The following CTSB variants were observed in gnomAD, a reference collection of about 807,000 sequenced individuals.
CTSB encodes cathepsin B.
CTSB carries 57 observed loss-of-function variants against 44.3 expected under a neutral mutation model. That is an observed-to-expected ratio of 1.29 (90% CI 1.04 to 1.60). The LOEUF is 1.60. Among genes scored for constraint, CTSB ranks in the 40% most tolerant of loss-of-function variants. The probability of loss-of-function intolerance (pLI) is 0.00; values close to 1 mark genes in which losing one functional copy is unlikely to be tolerated. For missense variants in CTSB, 768 were observed against 443.0 expected, an observed-to-expected ratio of 1.73 and a Z score of -6.59; for synonymous variants, 320 against 168.0, an observed-to-expected ratio of 1.91 and a Z score of -7.00.
intron 1 of CTSB, among the ~76,000 whole-genome samples, chr8:11,866,427 T>C (rs141111503): frequency 0.013 from 1,965 of 152,262 alleles, 17 homozygotes; most frequent in Middle Eastern, 0.034. Flanking sequence ...CACCAGGGGG[T>C]ACCCCCAGCT....
At chr8:11,865,085 C>G (rs932503180) in intron 1 of CTSB, among the ~76,000 whole-genome samples, 32 of 152,322 alleles carry the variant, frequency 2.1e-4, no homozygotes, top group Non-Finnish European at 4.4e-4. Flanking sequence ...AGACTGCTGC[C>G]TGCCACCCTG....
In CTSB at chr8:11,844,275, C is replaced by CTA. The variant is rs753838512; in HGVS notation, c.*848_*849dup. On this transcript the variant is annotated 3_prime_UTR_variant, in exon 10 of 10. Coordinates refer to ENST00000353047, the MANE Select transcript of CTSB (RefSeq NM_001908.5). ...ACAAAGAGAGACAGCAGCTACAAGT[C>CTA]TATAGGCAGTGACAAAGGATCTGAG... is the stretch of plus-strand genomic sequence containing the variant. The CTA allele has an allele frequency of 2.6e-5, 4 of 152,320 alleles. No individual in the cohort carries two copies. Among genetic ancestry groups the CTA allele is most frequent in the African/African-American group, 9.6e-5 (4 of 41,574 alleles). The allele number at this position is 152,320 out of a possible 1,614,324, so 9.4% of individuals were successfully genotyped here. A position where few individuals can be genotyped will look rare whatever the true frequency, so the allele number is the denominator to read the frequency against.
chr8:11,859,793 G>A (rs1165118075), intron 1 of CTSB, among the ~76,000 whole-genome samples: 3 of 75,582 alleles, frequency 4.0e-5, no homozygotes, highest in Non-Finnish European at 5.4e-5. Flanking sequence ...AAAAAAAAAA[G>A]GCCGGACACA....
At chr8:11,847,957 T>C (rs1813757045) in intron 6 of CTSB, 110 bp downstream of exon 6, 1 of 1,332,016 alleles carries the variant, frequency 7.5e-7, no homozygotes, top group Middle Eastern at 2.4e-4. Flanking sequence ...CTAGCACCTC[T>C]CAGCAGCCCC....
chr8:11,850,348 G>C (rs573535476), intron 4 of CTSB, among the ~76,000 whole-genome samples: 2 of 144,444 alleles, frequency 1.4e-5, no homozygotes, highest in East Asian at 4.1e-4. Flanking sequence ...GAACCCAGGA[G>C]GCAGAGGTTG....
intron 1 of CTSB, among the ~76,000 whole-genome samples, chr8:11,855,491 T>C (rs1815353201): frequency 6.6e-6 from 1 of 151,934 alleles, no homozygotes; most frequent in Non-Finnish European, 1.5e-5. Flanking sequence ...ACCCCATCAA[T>C]ATAGAAAATA....
At chr8:11,849,022 C>G (rs778050939) in intron 5 of CTSB, 24 bp downstream of exon 5, 4 of 1,580,546 alleles carry the variant, frequency 2.5e-6, no homozygotes, top group Admixed American at 1.7e-5. Flanking sequence ...ACTAAACCCG[C>G]TGTGGAAGCA....
chr8:11,848,128 T>C lies in CTSB; in HGVS notation c.471A>G (p.Glu157=), dbSNP rs376137412. ...GDGCNGGYPA[E]AWNFWTRKGL... ...CTTTTCTTGTCCAGAAGTTCCAAGC[T>C]TCAGCAGGATAGCCACCATTACAGC... The change falls in exon 6 of 10, where the codon GAA becomes GAG. Residue 157 remains glutamate, a synonymous_variant. Coordinates refer to ENST00000353047, the MANE Select transcript of CTSB (RefSeq NM_001908.5). The C allele has an allele frequency of 2.7e-5, 43 of 1,614,156 alleles. No individual in the cohort carries two copies. The African/African-American group carries it at 5.3e-4, about 20-fold the overall frequency.
intron 3 of CTSB, among the ~76,000 whole-genome samples, chr8:11,851,209 G>A (rs1454945312): frequency 6.6e-6 from 1 of 152,022 alleles, no homozygotes; most frequent in Non-Finnish European, 1.5e-5. Context: ...GGGTGGGAGT[G>A]GACAGAATTT....
rs542101271 is a variant in CTSB, at chr8:11,842,884, G to C, written c.*2241C>G. 6.8e-6 allele frequency: 1 copy of C among 148,148 alleles called. No homozygotes were observed. Among genetic ancestry groups the C allele is most frequent in the Admixed American group, 6.7e-5 (1 of 14,824 alleles). The allele number at this position is 148,148 out of a possible 1,614,324, so 9.2% of individuals were successfully genotyped here. A position where few individuals can be genotyped will look rare whatever the true frequency, so the allele number is the denominator to read the frequency against. On this transcript the variant is annotated 3_prime_UTR_variant, in exon 10 of 10. Coordinates refer to ENST00000353047, the MANE Select transcript of CTSB (RefSeq NM_001908.5). Reference sequence around the variant, plus strand: ...ACTCCTGACCTCAGGTGATCTGCCCGCCTCAGCCTCCCAAAGTGCTGGGAT... The same window carrying C: ...ACTCCTGACCTCAGGTGATCTGCCCCCCTCAGCCTCCCAAAGTGCTGGGAT...
At chr8:11,848,749 A>C in intron 5 of CTSB, 1 of 323,624 alleles carries the variant, frequency 3.1e-6, no homozygotes. Flanking sequence ...AAGCAGGAAA[A>C]AGGAACATGC....
intron 7 of CTSB, 120 bp downstream of exon 7, chr8:11,847,559 T>G (rs568365117): frequency 1.2e-5 from 13 of 1,123,480 alleles, no homozygotes; most frequent in South Asian, 3.6e-5. Flanking sequence ...CCCCCTCCTC[T>G]ATCCTAGAGT....
At position 11,847,951 on chromosome 8, in the gene CTSB, C is replaced by G. The variant is rs928459841; in HGVS notation, c.532+116G>C. The G allele has an allele frequency of 4.5e-6, 6 of 1,321,418 alleles. No homozygotes were observed. In the African/African-American group the frequency reaches 7.3e-5, roughly 16 times the overall value. 81.9% of individuals were successfully genotyped at this position (1,321,418 alleles called of 1,614,324 possible). A position where few individuals can be genotyped will look rare whatever the true frequency, so the allele number is the denominator to read the frequency against. ...GCCAGAGGCCTGTGCACCTGGCTAG[C>G]ACCTCTCAGCAGCCCCTCTGTCTCA... On this transcript the variant is annotated intron_variant, in intron 6 of 9. Transcript: ENST00000353047.
chr8:11,848,241 T>G, intron 5 of CTSB, 89 bp from the exon 6 acceptor site: 1 of 1,147,062 alleles, frequency 8.7e-7, no homozygotes, highest in Non-Finnish European at 1.3e-6. Flanking sequence ...CCGAGGCCAC[T>G]CGTGGACCCA....
Position 11,848,058 on chromosome 8 carries a change from C to T in CTSB, c.532+9G>A, listed in dbSNP as rs369423741. On this transcript the variant is annotated intron_variant, in intron 6 of 9. Coordinates refer to ENST00000353047, the MANE Select transcript of CTSB (RefSeq NM_001908.5). ...TCTGGCCAGAAAGTGGCCAAGGGGACACACTTACCTACATGGGATTCATAG... is the reference window on the plus strand; with the variant it reads ...TCTGGCCAGAAAGTGGCCAAGGGGATACACTTACCTACATGGGATTCATAG... 3.7e-6 allele frequency: 6 copies of T among 1,602,946 alleles called. No homozygotes were observed. In the African/African-American group the frequency reaches 6.7e-5, roughly 18 times the overall value.
rs754521576 is a variant in CTSB at position 11,847,160 on chromosome 8, A to AATT, written c.682_684dup (p.Asn228dup). On this transcript the variant is annotated inframe_insertion, in exon 8 of 10. Transcript: ENST00000353047. ...TTCTCGCTATTGGAGACGCTGTAGG[A>AATT]ATTGTATCCTGGAAAATGAACCGAG... 6.2e-7 allele frequency: 1 copy of AATT among 1,608,104 alleles called. No individual in the cohort carries two copies. The highest frequency in any genetic ancestry group is 1.7e-5 in the Admixed American group (1 of 59,968).
intron 1 of CTSB, among the ~76,000 whole-genome samples, chr8:11,858,295 GTTTT>G (rs927307247): frequency 4.6e-5 from 7 of 152,044 alleles, no homozygotes; most frequent in African/African-American, 1.7e-4. Context: ...AAACAAGTTT[GTTTT>G]TTTTGTTTGT....
intron 1 of CTSB, chr8:11,862,514 C>T (rs1381684855): frequency 1.3e-5 from 2 of 152,232 alleles, no homozygotes; most frequent in Non-Finnish European, 2.9e-5. Flanking sequence ...ATTGTACTAT[C>T]AGTGACAAGG....
chr8:11,849,225 T>C (rs1208144937), intron 4 of CTSB, 61 bp from the exon 5 acceptor site: 2 of 1,426,858 alleles, frequency 1.4e-6, no homozygotes, highest in Non-Finnish European at 2.0e-6. Flanking sequence ...TCTGCAGCAG[T>C]CCCCTCAAAG....
Sources: gnomAD v4.1 joint callset for allele counts (sites outside exome capture counted in the v4.1 genomes callset) on GRCh38, gnomAD v4.1.1 for gene constraint, MANE v1.5 for transcripts, NCBI Gene and HGNC (gene_info 2026-07-23, HGNC 2026-07-21) for gene names.